Variants in PPFIA3 observed in about 807,000 individuals in gnomAD.
PPFIA3 encodes the protein liprin-alpha-3.
PPFIA3 carries 26 observed loss-of-function variants against 145.8 expected under a neutral mutation model. That is an observed-to-expected ratio of 0.18 (90% CI 0.13 to 0.25). PPFIA3 has a LOEUF of 0.25. PPFIA3 is among the 10% of genes least tolerant of loss of function. The pLI is 1.00. For missense variants in PPFIA3, 1,008 were observed against 1,587.8 expected, an observed-to-expected ratio of 0.63 and a Z score of 6.21; for synonymous variants, 645 against 661.4, an observed-to-expected ratio of 0.98 and a Z score of 0.38.
intron 1 of PPFIA3, among the ~76,000 whole-genome samples, chr19:49,126,275 A>G (rs2040997528): frequency 6.9e-6 from 1 of 145,212 alleles, no homozygotes. Context: ...TTGAAATGGA[A>G]TCTCACACTG....
chr19:49,135,463 C>T (rs2041126921), intron 13 of PPFIA3, among the ~76,000 whole-genome samples: 1 of 152,192 alleles, frequency 6.6e-6, no homozygotes, highest in African/African-American at 2.4e-5. Context: ...ACCTCCGCCT[C>T]CCCGGTTCAA....
At position 49,149,660 on chromosome 19, in the gene PPFIA3, G is replaced by C. The variant is rs1365608858; in HGVS notation, c.3468G>C (p.Ser1156=). 6.2e-7 allele frequency: 1 copy of C among 1,613,908 alleles called. No individual in the cohort carries two copies. The highest frequency in any genetic ancestry group is 1.3e-5 in the African/African-American group (1 of 74,930). The change falls in exon 28 of 30, where the codon TCG becomes TCC. Residue 1156 remains serine, a synonymous_variant. Coordinates refer to ENST00000334186, the MANE Select transcript of PPFIA3 (RefSeq NM_003660.4). This position sits in a 1 kb window ranked among gnomAD's most constrained non-coding sequence, Gnocchi z 5.7. ...AGATGTTGCCCCCCAACTTTCGTTC[G>C]GCTGCAGCGGGAGCCCTGGGCTCTC... ...SAEMLPPNFR[S]AAAGALGSPG... is the part of the protein sequence containing the mutation.
intron 16 of PPFIA3, among the ~76,000 whole-genome samples, chr19:49,138,888 T>C (rs1262274084): frequency 1.3e-5 from 2 of 151,950 alleles, no homozygotes; most frequent in East Asian, 1.9e-4. Flanking sequence ...GGAGAATCAA[T>C]TGAACCCAAG....
intron 14 of PPFIA3, among the ~76,000 whole-genome samples, chr19:49,136,268 T>A (rs937302244): frequency 7.9e-5 from 12 of 150,960 alleles, no homozygotes; most frequent in Admixed American, 2.6e-4. Context: ...TTGGAGAGGA[T>A]TTGGGGAGGG....
At chr19:49,122,399 T>C (rs2040946670) in intron 1 of PPFIA3, among the ~76,000 whole-genome samples, 1 of 152,108 alleles carries the variant, frequency 6.6e-6, no homozygotes. Context: ...TTTTCATATA[T>C]TTAGATAAGA....
chr19:49,148,359 TG>T, intron 24 of PPFIA3, 101 bp downstream of exon 24: 1 of 1,330,372 alleles, frequency 7.5e-7, no homozygotes, highest in Non-Finnish European at 1.0e-6. Context: ...AGGCTTATCT[TG>T]GCCCTTTTAG....
chr19:49,149,964 C>A lies in PPFIA3; in HGVS notation c.3527-116C>A, dbSNP rs2041326507. On this transcript the variant is annotated intron_variant, in intron 28 of 29. Coordinates refer to ENST00000334186, the MANE Select transcript of PPFIA3 (RefSeq NM_003660.4). This position sits in a 1 kb window ranked among gnomAD's most constrained non-coding sequence, Gnocchi z 5.7. ...TGGCTGCGGGGAAGGGAGGGAAACC[C>A]ATGTGGAGCCCGGCGATCGTTGTGA... The A allele has an allele frequency of 5.4e-6, 7 of 1,305,522 alleles. No individual in the cohort carries two copies. The highest frequency in any genetic ancestry group is 7.4e-6 in the Non-Finnish European group (7 of 942,914). 80.9% of individuals were successfully genotyped at this position (1,305,522 alleles called of 1,614,324 possible).
intron 12 of PPFIA3, 48 bp downstream of exon 12, chr19:49,134,749 C>A (rs531212060): frequency 6.2e-7 from 1 of 1,612,090 alleles, no homozygotes; most frequent in Non-Finnish European, 8.5e-7. Flanking sequence ...GCAGTGGTTG[C>A]TGAGGCTAGG....
chr19:49,149,909 G>A lies in PPFIA3; in HGVS notation c.3527-171G>A. 9.0e-7 allele frequency: 1 copy of A among 1,113,556 alleles called. No homozygotes were observed. The highest frequency in any genetic ancestry group is 2.6e-5 in the East Asian group (1 of 38,618). 69.0% of individuals were successfully genotyped at this position (1,113,556 alleles called of 1,614,324 possible). ...CCCACTCCCCCTTCCCAGGGCGGGAGTGAACTCGCCCAATGCGAGTTTGAG... is the reference window on the plus strand; with the variant it reads ...CCCACTCCCCCTTCCCAGGGCGGGAATGAACTCGCCCAATGCGAGTTTGAG... On this transcript the variant is annotated intron_variant, in intron 28 of 29. Coordinates refer to ENST00000334186, the MANE Select transcript of PPFIA3 (RefSeq NM_003660.4). This position sits in a 1 kb window ranked among gnomAD's most constrained non-coding sequence, Gnocchi z 5.7.
In PPFIA3 at chr19:49,150,170, G is replaced by T; in HGVS notation, c.*13+19G>T. ...CCTCCAGGTGAGGACCGTGCTGGGC[G>T]ACCTTGGGGGTGCGGGGCGGCACGG... On this transcript the variant is annotated intron_variant, in intron 29 of 29. Coordinates refer to ENST00000334186, the MANE Select transcript of PPFIA3 (RefSeq NM_003660.4). 1.3e-6 allele frequency: 2 copies of T among 1,592,868 alleles called. No homozygotes were observed. The highest frequency in any genetic ancestry group is 2.3e-5 in the East Asian group (1 of 44,272).
rs2040922493 is a variant in PPFIA3, at chr19:49,120,367, GC to G, written c.-16+649del. On this transcript the variant is annotated intron_variant, in intron 1 of 29. Coordinates refer to ENST00000334186, the MANE Select transcript of PPFIA3 (RefSeq NM_003660.4). The surrounding 1 kb of genome is among the most constrained non-coding windows in gnomAD (Gnocchi z 4.6). ...CTGGGTTCTGCCGGCCAGGCTCGTG[GC>G]CCCGTCCTCGGCACCCCAGGTTCCT... is the stretch of plus-strand genomic sequence containing the variant. Among the ~76,000 whole-genome samples, 1 of 152,158 alleles carries G rather than the reference GC, an allele frequency of 6.6e-6. No individual in the cohort carries two copies. The highest frequency in any genetic ancestry group is 1.5e-5 in the Non-Finnish European group (1 of 68,008).
chr19:49,126,688 T>C (rs1600325413), intron 1 of PPFIA3, among the ~76,000 whole-genome samples: 1 of 151,110 alleles, frequency 6.6e-6, no homozygotes, highest in East Asian at 2.0e-4. Flanking sequence ...AGACCAACCC[T>C]GTGACATTAT....
At chr19:49,138,112 C>T (rs1289821148) in intron 15 of PPFIA3, 93 bp from the exon 16 acceptor site, 2 of 1,422,334 alleles carry the variant, frequency 1.4e-6, no homozygotes, top group African/African-American at 1.4e-5. Context: ...TCCCATTGCC[C>T]CACCAGGCCT....
chr19:49,125,809 C>T (rs915630015), intron 1 of PPFIA3, among the ~76,000 whole-genome samples: 4 of 152,024 alleles, frequency 2.6e-5, no homozygotes, highest in Non-Finnish European at 4.4e-5. Flanking sequence ...GTCTGAGAGA[C>T]GAAAGGGACT....
In PPFIA3 at chr19:49,120,006, C is replaced by G. The variant is rs1185468347; in HGVS notation, c.-16+284C>G. On this transcript the variant is annotated intron_variant, in intron 1 of 29. Coordinates refer to ENST00000334186, the MANE Select transcript of PPFIA3 (RefSeq NM_003660.4). This position sits in a 1 kb window ranked among gnomAD's most constrained non-coding sequence, Gnocchi z 4.6. ...GGACCCCTCCTAGAGCCTAGATCCC[C>G]CTTCCTGACCCTGTCCTGGGAGCTC... 6.6e-6 allele frequency among the ~76,000 whole-genome samples: 1 copy of G among 152,030 alleles called. No homozygotes were observed. The highest frequency in any genetic ancestry group is 2.4e-5 in the African/African-American group (1 of 41,408).
At chr19:49,129,710 C>A (rs1367374261) in intron 5 of PPFIA3, among the ~76,000 whole-genome samples, 1 of 152,050 alleles carries the variant, frequency 6.6e-6, no homozygotes, top group African/African-American at 2.4e-5. Flanking sequence ...CAGGCTGGGA[C>A]TAAGGAGGAA....
At chr19:49,146,464 A>G (rs1056452766) in intron 23 of PPFIA3, 6 of 546,428 alleles carry the variant, frequency 1.1e-5, no homozygotes, top group East Asian at 3.1e-5. Context: ...AGGGGCTTCA[A>G]TTCTGTAGCT....
chr19:49,130,434 G>A lies in PPFIA3; in HGVS notation c.714G>A (p.Leu238=), dbSNP rs772359368. ...ATTCCAACCGGCGCACAGCAGAGCT[G>A]GAGGAGGCCCTGGAGCGGCAGCGCG... is the stretch of plus-strand genomic sequence containing the variant. The part of the protein sequence containing the change: ...GGDSNRRTAE[L]EEALERQRAE... The change falls in exon 7 of 30, where the codon CTG becomes CTA. Residue 238 remains leucine (L), a synonymous_variant. Transcript: ENST00000334186. This position sits in a 1 kb window ranked among gnomAD's most constrained non-coding sequence, Gnocchi z 4.5. 1 of 1,611,036 alleles carries A rather than the reference G, an allele frequency of 6.2e-7. No homozygotes were observed. The highest frequency in any genetic ancestry group is 8.5e-7 in the Non-Finnish European group (1 of 1,178,964).
chr19:49,135,926 C>T lies in PPFIA3; in HGVS notation c.1665+3C>T, dbSNP rs769954416. 6 of 1,607,720 alleles carry T rather than the reference C, an allele frequency of 3.7e-6. No individual in the cohort carries two copies. In the African/African-American group the frequency reaches 8.0e-5, roughly 21 times the overall value. On this transcript the variant is annotated splice_donor_region_variant and intron_variant, in intron 14 of 29. Transcript: ENST00000334186. ...GGGTCAAGGAGGAGCCCTCCAAGGT[C>T]AGCAGCTGCCTCTGGGTCCTGGACT...
Sources: gnomAD v4.1 joint callset for allele counts (sites outside exome capture counted in the v4.1 genomes callset) on GRCh38, gnomAD v4.1.1 for gene constraint, Gnocchi (gnomAD v3.1) non-coding constraint, MANE v1.5 for transcripts, NCBI Gene and HGNC (gene_info 2026-07-23, HGNC 2026-07-21) for gene names.